Variants in GMPS observed in about 807,000 individuals in gnomAD.
The protein encoded by GMPS is guanosine monophosphate synthase.
A neutral mutation model predicts 77.9 loss-of-function variants in GMPS; 15 were observed. The ratio of observed to expected loss-of-function variants is 0.19; its 90% CI spans 0.13 to 0.30. The LOEUF (loss-of-function observed/expected upper bound fraction) is 0.30. Among genes scored for constraint, GMPS ranks in the 10% least tolerant of loss-of-function variants. The pLI is 1.00. For synonymous variants in GMPS, 224 were observed against 275.9 expected, an observed-to-expected ratio of 0.81 and a Z score of 1.86; for missense variants, 590 against 838.8, an observed-to-expected ratio of 0.70 and a Z score of 3.66.
intron 4 of GMPS, among the ~76,000 whole-genome samples, 177 bp from the exon 5 acceptor site, chr3:155,905,983 T>C (rs1469771810): frequency 6.6e-6 from 1 of 152,206 alleles, no homozygotes; most frequent in Admixed American, 6.5e-5. Flanking sequence ...TCTAAGGTTT[T>C]TTATTGGCTT....
At chr3:155,875,842 G>A (rs1290016154) in intron 1 of GMPS, among the ~76,000 whole-genome samples, 2 of 152,014 alleles carry the variant, frequency 1.3e-5, no homozygotes, top group Non-Finnish European at 2.9e-5. Flanking sequence ...GTGGACCCTT[G>A]CTATGGCTTC....
rs1755792827 is a variant in GMPS at position 155,937,574 on chromosome 3, A to G, written c.1981-17A>G. 1.8e-6 allele frequency: 2 copies of G among 1,091,058 alleles called. No homozygotes were observed. The highest frequency in any genetic ancestry group is 1.7e-5 in the Admixed American group (1 of 58,452). The allele number at this position is 1,091,058 out of a possible 1,614,324, so 67.6% of individuals were successfully genotyped here. On this transcript the variant is annotated splice_polypyrimidine_tract_variant and intron_variant, in intron 15 of 15. Transcript: ENST00000496455. ...ATGCAGTGGATGCTGACTTTTCTCT[A>G]TAATTTTTTTTAATAGGTGGTATTA... is the stretch of plus-strand genomic sequence containing the variant.
intron 1 of GMPS, among the ~76,000 whole-genome samples, chr3:155,882,755 C>CT: frequency 6.6e-6 from 1 of 152,144 alleles, no homozygotes; most frequent in East Asian, 1.9e-4. Flanking sequence ...CTTATGGATT[C>CT]TTTTTTTGTC....
intron 3 of GMPS, among the ~76,000 whole-genome samples, chr3:155,902,952 T>A (rs1003916387): frequency 2.0e-5 from 3 of 152,222 alleles, no homozygotes; most frequent in East Asian, 3.8e-4. Context: ...TGGGACAGTT[T>A]ACTGTGAATG....
At chr3:155,886,611 C>CTTTTTTTTTTTTTT (rs58367815) in intron 1 of GMPS, among the ~76,000 whole-genome samples, 6 of 78,050 alleles carry the variant, frequency 7.7e-5, no homozygotes, top group East Asian at 4.8e-4. Context: ...TTCCTGATGA[C>CTTTTTTTTTTTTTT]TTTTTTTTTT....
Position 155,906,204 on chromosome 3 carries a change from G to C in GMPS, c.467G>C (p.Ser156Thr), listed in dbSNP as rs1486324962. 8.7e-6 allele frequency: 14 copies of C among 1,612,276 alleles called. No individual in the cohort carries two copies. The highest frequency in any genetic ancestry group is 1.3e-5 in the African/African-American group (1 of 74,864). Residue 156 changes from serine (S) to threonine (T), a missense_variant, in exon 5 of 16, where the codon AGT becomes ACT. Physicochemically the swap from Ser to Thr is moderately conservative, Grantham distance 58. Coordinates refer to ENST00000496455, the MANE Select transcript of GMPS (RefSeq NM_003875.3). ...EEVVLLTHGDSVDKVADGFKV... is the reference protein window; with the variant it reads ...EEVVLLTHGDTVDKVADGFKV... The stretch of plus-strand genomic sequence containing the variant: ...GTTGTTTTGCTTACACATGGAGATA[G>C]TGTAGACAAAGTAGCTGATGGATTC...
intron 1 of GMPS, among the ~76,000 whole-genome samples, chr3:155,880,152 A>G (rs1430389945): frequency 6.6e-6 from 1 of 152,192 alleles, no homozygotes; most frequent in African/African-American, 2.4e-5. Flanking sequence ...CTCATTCAAT[A>G]CATATCACAA....
chr3:155,889,443 C>T (rs905662228), intron 1 of GMPS, among the ~76,000 whole-genome samples: 12 of 152,134 alleles, frequency 7.9e-5, no homozygotes, highest in African/African-American at 2.4e-4. Flanking sequence ...TAGCGCGCTG[C>T]GGTTCTCTAA....
intron 5 of GMPS, among the ~76,000 whole-genome samples, chr3:155,910,072 GTCTCTACTAAAAATA>G (rs1222490033): frequency 6.7e-6 from 1 of 150,050 alleles, no homozygotes; most frequent in Non-Finnish European, 1.5e-5. Context: ...GTGAAACCCT[GTCTCTACTAAAAATA>G]TAAAAGAAAT....
intron 8 of GMPS, 62 bp from the exon 9 acceptor site, chr3:155,915,957 T>G: frequency 9.1e-7 from 1 of 1,103,804 alleles, no homozygotes; most frequent in Non-Finnish European, 1.3e-6. Context: ...GCTGAAAGTA[T>G]AAACTTTTGC....
chr3:155,917,165 G>GT (rs1356230908), intron 9 of GMPS, among the ~76,000 whole-genome samples: 2 of 151,994 alleles, frequency 1.3e-5, no homozygotes, highest in Non-Finnish European at 2.9e-5. Context: ...TAGAGATGGG[G>GT]TTTCACTATG....
chr3:155,932,932 C>A (rs972323116), intron 13 of GMPS, among the ~76,000 whole-genome samples: 1 of 152,220 alleles, frequency 6.6e-6, no homozygotes. Flanking sequence ...TGGCTCACGC[C>A]TGTAATCCCA....
chr3:155,890,115 T>A (rs1754428607), intron 1 of GMPS, among the ~76,000 whole-genome samples: 1 of 152,230 alleles, frequency 6.6e-6, no homozygotes. Context: ...TGTTTTCTCC[T>A]GAATTGTCAA....
chr3:155,928,879 T>G (rs1182095528), intron 12 of GMPS, among the ~76,000 whole-genome samples: 2 of 151,828 alleles, frequency 1.3e-5, no homozygotes, highest in Non-Finnish European at 2.9e-5. Flanking sequence ...TCATTTTTTA[T>G]GGCTGCATAG....
chr3:155,893,949 G>A (rs1317384270), intron 2 of GMPS, among the ~76,000 whole-genome samples: 1 of 152,162 alleles, frequency 6.6e-6, no homozygotes, highest in Non-Finnish European at 1.5e-5. Flanking sequence ...GGATTTGTGG[G>A]TCAGAGTTAG....
At chr3:155,915,897 G>A (rs1755164819) in intron 8 of GMPS, 122 bp from the exon 9 acceptor site, 1 of 654,134 alleles carries the variant, frequency 1.5e-6, no homozygotes, top group Admixed American at 2.9e-5. Context: ...TTTGGAGATT[G>A]GTGGATTTTA....
chr3:155,899,745 C>T (rs1295787092), intron 3 of GMPS, among the ~76,000 whole-genome samples: 1 of 152,186 alleles, frequency 6.6e-6, no homozygotes, highest in African/African-American at 2.4e-5. Flanking sequence ...ATCCTTTGTG[C>T]TTTACCTGTT....
At chr3:155,892,844 C>G (rs1428762083) in intron 1 of GMPS, among the ~76,000 whole-genome samples, 1 of 152,218 alleles carries the variant, frequency 6.6e-6, no homozygotes, top group Non-Finnish European at 1.5e-5. Context: ...GTTGGCCAGG[C>G]TGGTCTTGAA....
Position 155,925,357 on chromosome 3 carries a change from A to T in GMPS, c.1551A>T (p.Val517=), listed in dbSNP as rs977070813. ...CCTTCTTGCTGCCAATTAAAACTGTAGGTGTGCAGGTGAGTTGTGTGAATT... is the reference window on the plus strand; with the variant it reads ...CCTTCTTGCTGCCAATTAAAACTGTTGGTGTGCAGGTGAGTTGTGTGAATT... The part of the protein sequence containing the change: ...LNAFLLPIKT[V]GVQGDCRSYS... Residue 517 remains valine, a synonymous_variant, in exon 12 of 16, where the codon GTA becomes GTT. Transcript: ENST00000496455. The T allele has an allele frequency of 2.5e-6, 4 of 1,602,382 alleles. No individual in the cohort carries two copies. Among genetic ancestry groups the T allele is most frequent in the Non-Finnish European group, 3.4e-6 (4 of 1,174,140 alleles).
Sources: allele counts gnomAD v4.1 joint callset (sites outside exome capture counted in the v4.1 genomes callset), GRCh38; gene constraint gnomAD v4.1.1; transcripts MANE v1.5; gene names NCBI Gene and HGNC (gene_info 2026-07-23, HGNC 2026-07-21).